The following TXLNG variants were observed in gnomAD, a reference collection of about 807,000 sequenced individuals.
The protein encoded by TXLNG is gamma-taxilin.
A neutral mutation model predicts 38.8 loss-of-function variants in TXLNG; 5 were observed. The ratio of observed to expected loss-of-function variants is 0.13; its 90% CI spans 0.07 to 0.27. The LOEUF is 0.27. Ranked by LOEUF, TXLNG falls within the 10% of genes least tolerant of loss-of-function variation. The pLI is 1.00. For synonymous variants in TXLNG, 182 were observed against 158.2 expected, an observed-to-expected ratio of 1.15 and a Z score of -1.13; for missense variants, 393 against 398.2, an observed-to-expected ratio of 0.99 and a Z score of 0.11.
chrX:16,839,635 TGA>T (rs1929719930), intron 8 of TXLNG, among the ~76,000 whole-genome samples, 184 bp from the exon 9 acceptor site: 1 of 111,177 alleles, frequency 9.0e-6, no homozygotes, highest in Non-Finnish European at 1.9e-5. Context: ...TAGGAGCTTC[TGA>T]GATAAGCTCT....
At chrX:16,830,155 A>G (rs1400616434) in intron 5 of TXLNG, among the ~76,000 whole-genome samples, 1 of 106,676 alleles carries the variant, frequency 9.4e-6, no homozygotes, top group Non-Finnish European at 1.9e-5. Context: ...CTACCATTGC[A>G]TTATACTTGT....
At chrX:16,812,833 C>T (rs1477625339) in intron 1 of TXLNG, among the ~76,000 whole-genome samples, 1 of 105,672 alleles carries the variant, frequency 9.5e-6, no homozygotes, top group Non-Finnish European at 1.9e-5. Flanking sequence ...TCCCTAGTAG[C>T]TAGGATTACA....
chrX:16,802,574 G>A (rs1369521136), intron 1 of TXLNG, among the ~76,000 whole-genome samples: 1 of 110,170 alleles, frequency 9.1e-6, no homozygotes, highest in Non-Finnish European at 1.9e-5. Flanking sequence ...TGGCTTGGTC[G>A]CATTTCCCAC....
chrX:16,822,492 A>G (rs972898455), intron 3 of TXLNG, among the ~76,000 whole-genome samples: 33 of 111,932 alleles, frequency 2.9e-4, no homozygotes, highest in African/African-American at 1.0e-3. Context: ...AGCAGTCACA[A>G]ATGCAAAGAT....
At chrX:16,839,945 A>T (rs1346149035) in intron 9 of TXLNG, 29 bp downstream of exon 9, 1 of 1,071,968 alleles carries the variant, frequency 9.3e-7, no homozygotes, top group Admixed American at 2.5e-5. Context: ...ACTAAGGTGT[A>T]GTCTTAGTCA....
chrX:16,842,559 A>G lies in TXLNG; in HGVS notation c.*793A>G, dbSNP rs1353239400. On this transcript the variant is annotated 3_prime_UTR_variant, in exon 10 of 10. Coordinates refer to ENST00000380122, the MANE Select transcript of TXLNG (RefSeq NM_018360.3). ...AGTACATATTCTCCACTTCCCATAG[A>G]AGGCCACTTATTCTTTGAAAACTGG... 8.9e-6 allele frequency: 1 copy of G among 111,833 alleles called. No individual in the cohort carries two copies. Among genetic ancestry groups the G allele is most frequent in the African/African-American group, 3.3e-5 (1 of 30,712 alleles). The allele number at this position is 111,833 out of a possible 1,213,427, so 9.2% of individuals were successfully genotyped here.
At position 16,813,978 on chromosome X, in the gene TXLNG, C is replaced by T. The variant is rs775002254; in HGVS notation, c.103-4596C>T. On this transcript the variant is annotated intron_variant, in intron 1 of 9. Coordinates refer to ENST00000380122, the MANE Select transcript of TXLNG (RefSeq NM_018360.3). Reference sequence around the variant, plus strand: ...GCGGGCACCTGTAGTCCCAGCTACTCGGGAGGCTGAGGCAGGAGAATGGCG... The same window carrying T: ...GCGGGCACCTGTAGTCCCAGCTACTTGGGAGGCTGAGGCAGGAGAATGGCG... Among the ~76,000 whole-genome samples the T allele has an allele frequency of 5.0e-3, 551 of 110,297 alleles. 4 individuals carry two copies. The highest frequency in any genetic ancestry group is 0.018 in the African/African-American group (531 of 30,341).
chrX:16,798,284 G>A (rs372501736), intron 1 of TXLNG, among the ~76,000 whole-genome samples: 2 of 112,361 alleles, frequency 1.8e-5, no homozygotes, highest in African/African-American at 6.5e-5. Context: ...GTCTTTTTAA[G>A]TATTGGGAAG....
intron 1 of TXLNG, among the ~76,000 whole-genome samples, chrX:16,802,821 C>CTT (rs561657297): frequency 1.5e-4 from 13 of 87,368 alleles, no homozygotes; most frequent in Admixed American, 1.0e-3. Context: ...TTCTTTCTTT[C>CTT]TTTTTTTTTT....
chrX:16,804,432 A>C lies in TXLNG; in HGVS notation c.103-14142A>C, dbSNP rs1394296845. On this transcript the variant is annotated intron_variant, in intron 1 of 9. Coordinates refer to ENST00000380122, the MANE Select transcript of TXLNG (RefSeq NM_018360.3). ...CGGTAGAATTGTTGGGTGAAAATGC[A>C]TGTGAGTTCAGACGTTGATAGAGCT... is the stretch of plus-strand genomic sequence containing the variant. Among the ~76,000 whole-genome samples, 3 of 111,166 alleles carry C rather than the reference A, an allele frequency of 2.7e-5. No homozygotes were observed. In the East Asian group the frequency reaches 8.4e-4, roughly 31 times the overall value.
intron 2 of TXLNG, 34 bp downstream of exon 2, chrX:16,818,911 T>C (rs773849778): frequency 2.4e-5 from 28 of 1,147,966 alleles, no homozygotes; most frequent in African/African-American, 3.6e-5. Context: ...ACGTTTCACA[T>C]GCTAATCATT....
intron 1 of TXLNG, among the ~76,000 whole-genome samples, chrX:16,804,985 C>CCCCCTTT (rs777605975): frequency 4.7e-4 from 1 of 2,131 alleles, no homozygotes; most frequent in African/African-American, 1.7e-3. Flanking sequence ...CCCCCCCCCG[C>CCCCCTTT]TTTTTTTTTT....
intron 1 of TXLNG, among the ~76,000 whole-genome samples, chrX:16,791,316 C>T (rs1214097965): frequency 9.0e-6 from 1 of 111,490 alleles, no homozygotes; most frequent in Non-Finnish European, 1.9e-5. Flanking sequence ...GTTTTTCTCC[C>T]CATTTGCCAA....
chrX:16,840,105 A>G, intron 9 of TXLNG, 189 bp downstream of exon 9: 1 of 355,268 alleles, frequency 2.8e-6, no homozygotes, highest in East Asian at 4.5e-5. Context: ...CAGTTAGGTT[A>G]GGGACAGGGC....
chrX:16,826,660 C>T (rs1400217821), intron 3 of TXLNG, among the ~76,000 whole-genome samples: 4 of 111,563 alleles, frequency 3.6e-5, no homozygotes, highest in Non-Finnish European at 7.5e-5. Context: ...CTGCTGGGCA[C>T]GGTGGCTCAT....
intron 1 of TXLNG, among the ~76,000 whole-genome samples, chrX:16,804,005 A>G (rs1323177791): frequency 9.0e-6 from 1 of 111,654 alleles, no homozygotes; most frequent in African/African-American, 3.3e-5. Flanking sequence ...TTTGACAGCC[A>G]AAAAGTAAAA....
Position 16,832,746 on chromosome X carries a change from A to T in TXLNG, c.984+4A>T. On this transcript the variant is annotated splice_donor_region_variant and intron_variant, in intron 6 of 9. Coordinates refer to ENST00000380122, the MANE Select transcript of TXLNG (RefSeq NM_018360.3). The stretch of plus-strand genomic sequence containing the variant: ...ACATCAGAGAGAGAGAGAGTTTGTA[A>T]GTTCTACTTCTTAAAAACAAAGACA... The T allele has an allele frequency of 8.5e-7, 1 of 1,181,720 alleles. No individual in the cohort carries two copies. The highest frequency in any genetic ancestry group is 1.1e-6 in the Non-Finnish European group (1 of 883,751).
In TXLNG at chrX:16,841,708, G is replaced by C; in HGVS notation, c.1529G>C (p.Ser510Thr). 8.3e-7 allele frequency: 1 copy of C among 1,211,959 alleles called. No homozygotes were observed. Among genetic ancestry groups the C allele is most frequent in the East Asian group, 3.0e-5 (1 of 33,864 alleles). ...HLEAEPKSQRSAVQKPPSTGS... is the reference protein window; with the variant it reads ...HLEAEPKSQRTAVQKPPSTGS... The stretch of plus-strand genomic sequence containing the variant: ...GAGGCTGAGCCCAAGAGTCAGAGAA[G>C]CGCTGTGCAAAAGCCCCCGTCCACA... Residue 510 changes from serine to threonine, a missense_variant, in exon 10 of 10, where the codon AGC becomes ACC. Ser to Thr is a moderately conservative substitution (Grantham distance 58). Transcript: ENST00000380122.
chrX:16,835,392 G>A (rs1449013616), intron 7 of TXLNG, among the ~76,000 whole-genome samples: 1 of 111,581 alleles, frequency 9.0e-6, no homozygotes, highest in Non-Finnish European at 1.9e-5. Context: ...ATATTCAAGA[G>A]GTGTCAGATA....
Sources: allele counts gnomAD v4.1 joint callset (sites outside exome capture counted in the v4.1 genomes callset), GRCh38; gene constraint gnomAD v4.1.1; transcripts MANE v1.5; gene names NCBI Gene and HGNC (gene_info 2026-07-23, HGNC 2026-07-21).